GAS7: variants seen among roughly 807,000 people sequenced by gnomAD.
GAS7 encodes growth arrest specific 7.
In GAS7, 28 loss-of-function variants were observed where a neutral mutation model predicts 71.1. The observed-to-expected ratio is 0.39, with a 90% CI of 0.29 to 0.54. The LOEUF is 0.54. Among genes scored for constraint, GAS7 ranks in the 20% least tolerant of loss-of-function variants. The pLI, the probability that GAS7 is intolerant of heterozygous loss-of-function variation, is 0.62. For synonymous variants in GAS7, 258 were observed against 245.8 expected (o/e 1.05, Z -0.46); for missense variants, 436 against 627.8 (o/e 0.69, Z 3.27).
At chr17:10,084,506 C>T (rs1017725717) in intron 1 of GAS7, among the ~76,000 whole-genome samples, 2 of 152,102 alleles carry the variant, frequency 1.3e-5, no homozygotes, top group African/African-American at 4.8e-5. Context: ...CGCTCTTGTC[C>T]CCCAGGCTGG....
chr17:10,015,510 A>C (rs2071958294), intron 2 of GAS7, among the ~76,000 whole-genome samples: 1 of 152,190 alleles, frequency 6.6e-6, no homozygotes, highest in African/African-American at 2.4e-5. Context: ...AGCAGTGAGG[A>C]GGCACAAGCT....
At chr17:10,185,690 T>C (rs1233580176) in intron 1 of GAS7, among the ~76,000 whole-genome samples, 10 of 152,154 alleles carry the variant, frequency 6.6e-5, no homozygotes, top group Admixed American at 5.9e-4. Context: ...GGCACTCTTG[T>C]GGGACTGCGC....
chr17:9,993,118 C>G (rs1307403919), intron 2 of GAS7, among the ~76,000 whole-genome samples: 2 of 151,428 alleles, frequency 1.3e-5, no homozygotes, highest in South Asian at 4.2e-4. Context: ...GGGTATATAC[C>G]CAGTAATGGG....
At chr17:10,099,290 G>A (rs2152260281) in intron 1 of GAS7, among the ~76,000 whole-genome samples, 1 of 152,202 alleles carries the variant, frequency 6.6e-6, no homozygotes, top group East Asian at 1.9e-4. Context: ...GTGCATTCCT[G>A]GGGAGCCCTC....
chr17:9,913,114 A>C lies in GAS7; in HGVS notation c.*4114T>G, dbSNP rs911108765. On this transcript the variant is annotated 3_prime_UTR_variant, in exon 14 of 14. Transcript: ENST00000432992. Reference sequence around the variant, plus strand: ...ATCTTGGTGATGGTCACAAGACACTAAATTTGTCAAAATTCACAGAGCTGT... The same window carrying C: ...ATCTTGGTGATGGTCACAAGACACTCAATTTGTCAAAATTCACAGAGCTGT... The C allele has an allele frequency of 4.3e-6, 1 of 232,308 alleles. No individual in the cohort carries two copies. Among genetic ancestry groups the C allele is most frequent in the African/African-American group, 2.2e-5 (1 of 45,304 alleles). The allele number at this position is 232,308 out of a possible 1,614,324, so 14.4% of individuals were successfully genotyped here.
rs1298107239 is a variant in GAS7 at position 9,926,606 on chromosome 17, G to A, written c.1014+35C>T. 1 of 1,608,588 alleles carries A rather than the reference G, an allele frequency of 6.2e-7. No individual in the cohort carries two copies. The highest frequency in any genetic ancestry group is 8.5e-7 in the Non-Finnish European group (1 of 1,178,396). On this transcript the variant is annotated intron_variant, in intron 10 of 13. Coordinates refer to ENST00000432992, the MANE Select transcript of GAS7 (RefSeq NM_201433.2). This position sits in a 1 kb window ranked among gnomAD's most constrained non-coding sequence, Gnocchi z 5.0. ...CCCCTTCTTCCAGGCAGTCCCCCAT[G>A]CACCTGCCCTGGCCCAGCGTCCTGG... is the stretch of plus-strand genomic sequence containing the variant.
intron 1 of GAS7, among the ~76,000 whole-genome samples, chr17:10,072,717 A>C (rs1462429038): frequency 1.3e-5 from 2 of 152,182 alleles, no homozygotes; most frequent in African/African-American, 4.8e-5. Flanking sequence ...ATGTAAGGTA[A>C]AGAACAGACC....
At chr17:10,061,121 G>C (rs17743462) in intron 1 of GAS7, 2,986 of 152,372 alleles carry the variant, frequency 0.02, 39 homozygotes, top group Middle Eastern at 0.044. Flanking sequence ...AAAACTGACT[G>C]TGCCAATCTG....
chr17:9,919,715 G>T lies in GAS7; in HGVS notation c.1139-10C>A, dbSNP rs537301513. 7.5e-6 allele frequency: 12 copies of T among 1,600,458 alleles called. No homozygotes were observed. In the East Asian group the frequency reaches 2.5e-4, roughly 33 times the overall value. On this transcript the variant is annotated splice_polypyrimidine_tract_variant and intron_variant, in intron 11 of 13. Coordinates refer to ENST00000432992, the MANE Select transcript of GAS7 (RefSeq NM_201433.2). This position sits in a 1 kb window ranked among gnomAD's most constrained non-coding sequence, Gnocchi z 5.0. ...CGCATGAGGTCGTCTCCTGGAAAAA[G>T]ACCACAGTCACCATCATGAAGCATC...
At chr17:9,984,596 C>G (rs1344057112) in intron 2 of GAS7, among the ~76,000 whole-genome samples, 1 of 152,184 alleles carries the variant, frequency 6.6e-6, no homozygotes, top group Non-Finnish European at 1.5e-5. Flanking sequence ...CTTCAAAGAC[C>G]ACTGCCCTGC....
In GAS7 at chr17:9,988,191, G is replaced by A. The variant is rs369207671; in HGVS notation, c.305-6307C>T. Among the ~76,000 whole-genome samples the A allele has an allele frequency of 6.6e-5, 10 of 152,224 alleles. No homozygotes were observed. The East Asian group carries it at 1.3e-3, about 21-fold the overall frequency. ...TCTTTCTTCCTTGCCCTGGTTTGGC[G>A]GTCTCTCTACCCATGGCTTCTCTCC... is the stretch of plus-strand genomic sequence containing the variant. On this transcript the variant is annotated intron_variant, in intron 2 of 13. Coordinates refer to ENST00000432992, the MANE Select transcript of GAS7 (RefSeq NM_201433.2).
chr17:10,167,073 T>C (rs1416072119), intron 1 of GAS7, among the ~76,000 whole-genome samples: 59 of 116,056 alleles, frequency 5.1e-4, no homozygotes, highest in Non-Finnish European at 6.1e-4. Context: ...TTTTTTTTTT[T>C]TGAGACAGAG....
intron 5 of GAS7, among the ~76,000 whole-genome samples, chr17:9,951,058 G>A (rs1372924084): frequency 1.3e-5 from 2 of 152,164 alleles, no homozygotes; most frequent in Non-Finnish European, 2.9e-5. Context: ...AGTCCCCAAG[G>A]TGTGTCCAGA....
At chr17:10,012,336 G>A (rs9900475) in intron 2 of GAS7, among the ~76,000 whole-genome samples, 6,226 of 152,266 alleles carry the variant, frequency 0.041, 233 homozygotes, top group African/African-American at 0.1. Context: ...CACCCAGGCT[G>A]GAGAGCAATG....
chr17:10,171,403 G>A (rs541024475), intron 1 of GAS7, among the ~76,000 whole-genome samples: 52 of 152,236 alleles, frequency 3.4e-4, no homozygotes, highest in African/African-American at 1.1e-3. Context: ...TCAGGTCTTC[G>A]GGTAACAAAT....
intron 1 of GAS7, among the ~76,000 whole-genome samples, chr17:10,185,027 A>G (rs1380120107): frequency 6.6e-6 from 1 of 151,732 alleles, no homozygotes; most frequent in African/African-American, 2.4e-5. Context: ...CCCAGGTTCA[A>G]GCAACTCTCC....
At chr17:10,121,299 T>C (rs1318343270) in intron 1 of GAS7, among the ~76,000 whole-genome samples, 1 of 152,100 alleles carries the variant, frequency 6.6e-6, no homozygotes, top group African/African-American at 2.4e-5. Context: ...GAGAATCGCT[T>C]GAACCCGGGA....
chr17:10,081,117 C>CT (rs1338081684), intron 1 of GAS7, among the ~76,000 whole-genome samples: 2 of 152,164 alleles, frequency 1.3e-5, no homozygotes, highest in Admixed American at 1.3e-4. Flanking sequence ...ATCTTTAAAA[C>CT]TTTCAGAAAA....
At chr17:9,922,386 T>C (rs545130575) in intron 11 of GAS7, among the ~76,000 whole-genome samples, 39 of 152,362 alleles carry the variant, frequency 2.6e-4, no homozygotes, top group African/African-American at 9.1e-4. Context: ...GGAGACTGAA[T>C]TGTGGCTTCG....
Sources: gnomAD v4.1 joint callset for allele counts (sites outside exome capture counted in the v4.1 genomes callset) on GRCh38, gnomAD v4.1.1 for gene constraint, Gnocchi (gnomAD v3.1) non-coding constraint, MANE v1.5 for transcripts, NCBI Gene and HGNC (gene_info 2026-07-23, HGNC 2026-07-21) for gene names.